Variants in TRAPPC9 observed in about 807,000 individuals in gnomAD.
The protein encoded by TRAPPC9 is trafficking protein particle complex subunit 9.
A neutral mutation model predicts 124.0 loss-of-function variants in TRAPPC9; 83 were observed. That is an observed-to-expected ratio of 0.67 (90% CI 0.56 to 0.80). TRAPPC9 has a LOEUF of 0.80. TRAPPC9 is among the 30% of genes least tolerant of loss of function. The pLI is 0.00. For missense variants in TRAPPC9, 1,302 were observed against 1,508.3 expected (o/e 0.86, Z 2.27); for synonymous variants, 638 against 617.5 (o/e 1.03, Z -0.49).
rs568330422 is a variant in TRAPPC9 at position 140,148,649 on chromosome 8, G to GCTT, written c.2556+72807_2556+72809dup. On this transcript the variant is annotated intron_variant, in intron 17 of 22. Transcript: ENST00000438773. Reference sequence around the variant, plus strand: ...GTCCCCACTCACCCTGACCCTATGAGCTTCCCCCTAGAAAGCTTTCCTTTC... The same window carrying GCTT: ...GTCCCCACTCACCCTGACCCTATGAGCTTCTTCCCCCTAGAAAGCTTTCCTTTC... Among the ~76,000 whole-genome samples, 563 of 152,250 alleles carry GCTT rather than the reference G, an allele frequency of 3.7e-3. 3 individuals carry two copies. Among genetic ancestry groups the GCTT allele is most frequent in the African/African-American group, 0.013 (529 of 41,548 alleles).
intron 17 of TRAPPC9, among the ~76,000 whole-genome samples, chr8:140,053,658 T>C (rs551268152): frequency 2.6e-5 from 4 of 152,216 alleles, no homozygotes; most frequent in Admixed American, 1.3e-4. Context: ...AAGTGGGGTA[T>C]TGAAGTCTTC....
chr8:140,458,535 C>T (rs765191594), upstream of TRAPPC9: 4 of 1,582,676 alleles, frequency 2.5e-6, no homozygotes, highest in South Asian at 3.4e-5. Flanking sequence ...CCCTGTGTGG[C>T]GCGCGGTCTT....
intron 20 of TRAPPC9, among the ~76,000 whole-genome samples, chr8:139,889,747 C>T (rs896569968): frequency 1.3e-5 from 2 of 152,184 alleles, no homozygotes; most frequent in Non-Finnish European, 2.9e-5. Context: ...TGAGAAATCT[C>T]GCAGGGTAGC....
intron 17 of TRAPPC9, among the ~76,000 whole-genome samples, chr8:140,103,762 C>T (rs34975799): frequency 1.3e-5 from 2 of 152,132 alleles, no homozygotes; most frequent in African/African-American, 2.4e-5. Context: ...GAGATACACA[C>T]GACTATTCTT....
intron 15 of TRAPPC9, among the ~76,000 whole-genome samples, chr8:140,269,624 G>A (rs958990653): frequency 1.3e-5 from 2 of 152,130 alleles, no homozygotes; most frequent in Non-Finnish European, 2.9e-5. Flanking sequence ...AGGCTGGATA[G>A]ATATGTAATA....
At chr8:140,029,026 G>A (rs1332082688) in intron 17 of TRAPPC9, among the ~76,000 whole-genome samples, 1 of 152,178 alleles carries the variant, frequency 6.6e-6, no homozygotes, top group East Asian at 1.9e-4. Context: ...CCAACATCAG[G>A]AATGAGAATG....
chr8:139,789,829 C>A (rs1822530320), intron 21 of TRAPPC9, among the ~76,000 whole-genome samples: 1 of 152,138 alleles, frequency 6.6e-6, no homozygotes, highest in Non-Finnish European at 1.5e-5. Context: ...TCTTACTGAG[C>A]AGAGACCTCA....
At chr8:139,968,858 A>T (rs182881961) in intron 19 of TRAPPC9, among the ~76,000 whole-genome samples, 40 of 152,242 alleles carry the variant, frequency 2.6e-4, no homozygotes, top group African/African-American at 8.7e-4. Flanking sequence ...ACCACATGCA[A>T]ATGTGGTGAA....
chr8:139,994,232 C>A (rs533809845), intron 18 of TRAPPC9, among the ~76,000 whole-genome samples: 97 of 152,334 alleles, frequency 6.4e-4, no homozygotes, highest in African/African-American at 2.2e-3. Flanking sequence ...TGCCAGAGGG[C>A]ATGTTGCTGT....
intron 17 of TRAPPC9, among the ~76,000 whole-genome samples, chr8:140,073,362 C>T (rs1353671190): frequency 1.3e-5 from 2 of 152,168 alleles, no homozygotes; most frequent in Non-Finnish European, 2.9e-5. Context: ...CAATGGATTA[C>T]TAATTGAGCA....
rs78510162 is a variant in TRAPPC9, at chr8:139,749,674, A to G, written c.3056-17472T>C. Among the ~76,000 whole-genome samples the G allele has an allele frequency of 7.4e-3, 1,130 of 152,302 alleles. 11 individuals carry two copies. The highest frequency in any genetic ancestry group is 0.026 in the African/African-American group (1,066 of 41,568). On this transcript the variant is annotated intron_variant, in intron 21 of 22. Transcript: ENST00000438773. The stretch of plus-strand genomic sequence containing the variant: ...TTGATGTGGTGACAGCCAAAGCTTC[A>G]CATAGAACTATAAAGTCTTAGAGCA...
intron 10 of TRAPPC9, among the ~76,000 whole-genome samples, chr8:140,306,508 A>AAAG: frequency 6.6e-6 from 1 of 151,712 alleles, no homozygotes; most frequent in South Asian, 2.1e-4. Context: ...AAAAAAAAAA[A>AAAG]AAGAAGAAGA....
At chr8:140,233,623 C>CACACACACACACACACA (rs1554648047) in intron 16 of TRAPPC9, among the ~76,000 whole-genome samples, 6 of 90,864 alleles carry the variant, frequency 6.6e-5, no homozygotes, top group Non-Finnish European at 1.1e-4. Context: ...TCTCTCCCCA[C>CACACACACACACACACA]CACACACACA....
intron 21 of TRAPPC9, among the ~76,000 whole-genome samples, chr8:139,861,069 T>C (rs1397566068): frequency 5.9e-5 from 9 of 152,254 alleles, no homozygotes; most frequent in African/African-American, 2.2e-4. Context: ...CGGGAAGAAC[T>C]GGGTTCCGTT....
chr8:140,142,268 T>G (rs1391126874), intron 17 of TRAPPC9, among the ~76,000 whole-genome samples: 1 of 152,248 alleles, frequency 6.6e-6, no homozygotes, highest in Non-Finnish European at 1.5e-5. Context: ...ATTTTCTTTT[T>G]TCTCCAAGTG....
At chr8:139,841,845 G>A (rs1333148293) in intron 21 of TRAPPC9, among the ~76,000 whole-genome samples, 3 of 152,214 alleles carry the variant, frequency 2.0e-5, no homozygotes, top group Non-Finnish European at 4.4e-5. Context: ...CCACCCACTG[G>A]GGAGCAGCCC....
chr8:139,756,784 T>G (rs1187313015), intron 21 of TRAPPC9, among the ~76,000 whole-genome samples: 6 of 96,030 alleles, frequency 6.2e-5, no homozygotes, highest in African/African-American at 1.4e-4. Flanking sequence ...AGCCAGGGTT[T>G]GGGGATGAGG....
In TRAPPC9 at chr8:140,405,571, A is replaced by G; in HGVS notation, c.1008+6T>C. 2 of 1,614,130 alleles carry G rather than the reference A, an allele frequency of 1.2e-6. No individual in the cohort carries two copies. Among genetic ancestry groups the G allele is most frequent in the Non-Finnish European group, 1.7e-6 (2 of 1,179,982 alleles). On this transcript the variant is annotated splice_donor_region_variant and intron_variant, in intron 6 of 22. Coordinates refer to ENST00000438773, the MANE Select transcript of TRAPPC9 (RefSeq NM_001160372.4). ...TGTAAAAAAAATCACAAAGCCATAA[A>G]ATCACCTTGCTGTAATAGGAAATCG...
At chr8:139,894,041 C>A (rs1184421453) in intron 20 of TRAPPC9, among the ~76,000 whole-genome samples, 2 of 152,260 alleles carry the variant, frequency 1.3e-5, no homozygotes, top group Admixed American at 6.5e-5. Context: ...CCCACAGCCA[C>A]CCTGCAGCTG....
Sources: gnomAD v4.1 joint callset for allele counts (sites outside exome capture counted in the v4.1 genomes callset) on GRCh38, gnomAD v4.1.1 for gene constraint, MANE v1.5 for transcripts, NCBI Gene and HGNC (gene_info 2026-07-23, HGNC 2026-07-21) for gene names.